Variants in ECSIT observed in about 807,000 individuals in gnomAD.
ECSIT encodes the protein evolutionarily conserved signaling intermediate in Toll pathway, mitochondrial.
ECSIT carries 29 observed loss-of-function variants against 36.8 expected under a neutral mutation model. The observed-to-expected ratio is 0.79, with a 90% CI of 0.59 to 1.08. ECSIT has a LOEUF of 1.08. Among genes scored for constraint, ECSIT ranks in the 50% least tolerant of loss-of-function variants. The pLI, the probability that ECSIT is intolerant of heterozygous loss-of-function variation, is 0.00. For missense variants in ECSIT, 542 were observed against 581.0 expected (o/e 0.93, Z 0.69); for synonymous variants, 231 against 234.8 (o/e 0.98, Z 0.15).
intron 1 of ECSIT, chr19:11,528,859 T>G (rs1286893428): frequency 1.3e-5 from 2 of 152,242 alleles, no homozygotes; most frequent in Non-Finnish European, 2.9e-5. Flanking sequence ...CGAGGTCATC[T>G]GCAAAATGGG....
intron 3 of ECSIT, 110 bp downstream of exon 3, chr19:11,513,694 A>C: frequency 1.5e-6 from 2 of 1,301,300 alleles, no homozygotes; most frequent in Non-Finnish European, 2.2e-6. Flanking sequence ...GAGAAGAGCG[A>C]GAGAGACAGA....
At chr19:11,527,336 A>T (rs1325922003) in intron 1 of ECSIT, among the ~76,000 whole-genome samples, 3 of 152,084 alleles carry the variant, frequency 2.0e-5, no homozygotes, top group South Asian at 2.1e-4. Flanking sequence ...TAAATAAATA[A>T]ATCAACTAAA....
Position 11,506,451 on chromosome 19 carries a change from A to G in ECSIT, c.1052-23T>C, listed in dbSNP as rs1344139942. On this transcript the variant is annotated intron_variant, in intron 7 of 7. Coordinates refer to ENST00000270517, the MANE Select transcript of ECSIT (RefSeq NM_016581.5). ...CCACTGTTGGAAGACATGCACCCTT[A>G]AGGTTTGCACAGTGGGGGCTGCAGC... 6 of 1,600,452 alleles carry G rather than the reference A, an allele frequency of 3.7e-6. No individual in the cohort carries two copies. In the Admixed American group the frequency reaches 5.0e-5, roughly 13 times the overall value.
At chr19:11,517,106 C>G (rs1972014386) in intron 2 of ECSIT, among the ~76,000 whole-genome samples, 1 of 152,006 alleles carries the variant, frequency 6.6e-6, no homozygotes, top group African/African-American at 2.4e-5. Flanking sequence ...GTGGGGGGTA[C>G]TCTTACTGCA....
chr19:11,511,589 G>GC (rs1971871351), intron 4 of ECSIT, among the ~76,000 whole-genome samples: 1 of 152,166 alleles, frequency 6.6e-6, no homozygotes, highest in South Asian at 2.1e-4. Flanking sequence ...AGAAGGATGG[G>GC]AGGGTGCTAT....
intron 2 of ECSIT, among the ~76,000 whole-genome samples, chr19:11,514,643 T>C (rs1971952543): frequency 6.6e-6 from 1 of 151,592 alleles, no homozygotes. Context: ...CTCCTCACCC[T>C]GTCCAGCAGC....
In ECSIT at chr19:11,514,068, G is replaced by T. The variant is rs373135989; in HGVS notation, c.250C>A (p.Arg84=). ...GTCTGCAGGAAGCTCGCCTTGTCCC[G>T]TTCCCCACCAGGCGCCTGCCCAAAC... ...DLFGQAPGGE[R]DKASFLQTVQ... Residue 84 remains arginine (R), a synonymous_variant, in exon 3 of 8, where the codon CGG becomes AGG. Transcript: ENST00000270517. The T allele has an allele frequency of 1.7e-5, 28 of 1,614,030 alleles. No individual in the cohort carries two copies. The highest frequency in any genetic ancestry group is 8.5e-7 in the Non-Finnish European group (1 of 1,180,016).
At chr19:11,525,373 G>A (rs1430290336) in intron 1 of ECSIT, among the ~76,000 whole-genome samples, 1 of 151,714 alleles carries the variant, frequency 6.6e-6, no homozygotes, top group African/African-American at 2.4e-5. Flanking sequence ...AACCAGGCAT[G>A]GTAGTATACA....
At chr19:11,512,697 G>A (rs917482336) in intron 4 of ECSIT, among the ~76,000 whole-genome samples, 1 of 151,926 alleles carries the variant, frequency 6.6e-6, no homozygotes, top group Non-Finnish European at 1.5e-5. Context: ...CACTTTGGGA[G>A]GCCGAGGCAG....
chr19:11,507,612 G>T (rs376828070), intron 6 of ECSIT, 50 bp from the exon 7 acceptor site: 2 of 1,612,692 alleles, frequency 1.2e-6, no homozygotes, highest in South Asian at 1.1e-5. Context: ...GGGCTCTCTC[G>T]GTCTCCCTCC....
At chr19:11,517,522 G>A (rs1388352995) in intron 2 of ECSIT, among the ~76,000 whole-genome samples, 1 of 151,886 alleles carries the variant, frequency 6.6e-6, no homozygotes, top group Non-Finnish European at 1.5e-5. Context: ...CTTGAACCCG[G>A]GAGGCAGAGG....
chr19:11,507,954 G>T, intron 5 of ECSIT, 37 bp downstream of exon 5: 1 of 1,614,062 alleles, frequency 6.2e-7, no homozygotes, highest in Non-Finnish European at 8.5e-7. Context: ...CCTGGGTAAG[G>T]TTAGAGACTT....
chr19:11,520,336 T>A (rs1284740691), intron 1 of ECSIT, among the ~76,000 whole-genome samples: 1 of 151,792 alleles, frequency 6.6e-6, no homozygotes, highest in Non-Finnish European at 1.5e-5. Flanking sequence ...CACGCCCGGC[T>A]AATTTTTGTA....
At chr19:11,507,928 C>T (rs772417866) in intron 5 of ECSIT, 63 bp downstream of exon 5, 12 of 1,613,880 alleles carry the variant, frequency 7.4e-6, no homozygotes, top group African/African-American at 1.3e-5. Context: ...CTAGGCCCAG[C>T]GAGAACCTGG....
intron 7 of ECSIT, 58 bp from the exon 8 acceptor site, chr19:11,506,486 A>G (rs942136931): frequency 7.8e-6 from 12 of 1,529,942 alleles, no homozygotes; most frequent in Non-Finnish European, 9.7e-6. Flanking sequence ...CGGCTAACCC[A>G]TGCCTACACC....
intron 2 of ECSIT, among the ~76,000 whole-genome samples, chr19:11,517,585 G>C (rs1972022946): frequency 6.6e-6 from 1 of 151,960 alleles, no homozygotes; most frequent in Non-Finnish European, 1.5e-5. Context: ...GACAGAGGGA[G>C]ACTCCATCTC....
chr19:11,523,321 A>G (rs577047965), intron 1 of ECSIT: 1 of 264,176 alleles, frequency 3.8e-6, no homozygotes, highest in South Asian at 1.5e-4. Flanking sequence ...ATAGTATTAT[A>G]TATATATATA....
intron 7 of ECSIT, among the ~76,000 whole-genome samples, chr19:11,506,976 A>G (rs1329010977): frequency 6.6e-6 from 1 of 152,162 alleles, no homozygotes; most frequent in African/African-American, 2.4e-5. Context: ...CACTCAAGGC[A>G]TGCTCCTCTC....
At chr19:11,509,875 T>G (rs916757445) in intron 4 of ECSIT, among the ~76,000 whole-genome samples, 1 of 144,718 alleles carries the variant, frequency 6.9e-6, no homozygotes, top group Admixed American at 6.9e-5. Flanking sequence ...CTAAAGAAAC[T>G]TTTTTTTTTT....
Sources: allele counts gnomAD v4.1 joint callset (sites outside exome capture counted in the v4.1 genomes callset), GRCh38; gene constraint gnomAD v4.1.1; transcripts MANE v1.5; gene names NCBI Gene and HGNC (gene_info 2026-07-23, HGNC 2026-07-21).